The following EFHB variants were observed in gnomAD, a reference collection of about 807,000 sequenced individuals.
The protein encoded by EFHB is EF-hand domain-containing family member B.
Under a neutral mutation model 87.2 loss-of-function variants are expected in EFHB, and 91 were observed. That is an observed-to-expected ratio of 1.04 (90% CI 0.88 to 1.24). EFHB has a LOEUF of 1.24. Ranked by LOEUF, EFHB falls within the 50% of genes most tolerant of loss-of-function variation. EFHB has a pLI of 0.00. For synonymous variants in EFHB, 325 were observed against 333.6 expected (o/e 0.97, Z 0.28); for missense variants, 1,084 against 998.8 (o/e 1.09, Z -1.15).
intron 9 of EFHB, among the ~76,000 whole-genome samples, chr3:19,889,961 T>C (rs540648946): frequency 1.5e-3 from 228 of 152,318 alleles, no homozygotes; most frequent in Middle Eastern, 3.4e-3. Flanking sequence ...CACTCCAGAC[T>C]GGGCAACAAG....
intron 9 of EFHB, among the ~76,000 whole-genome samples, chr3:19,890,182 C>A (rs1694257032): frequency 1.3e-5 from 2 of 152,148 alleles, no homozygotes; most frequent in Admixed American, 1.3e-4. Context: ...CATGGAGCTA[C>A]CATGCCACCA....
rs375972908 is a variant in EFHB at position 19,884,524 on chromosome 3, T to A, written c.2025A>T (p.Lys675Asn). The A allele has an allele frequency of 6.2e-7, 1 of 1,613,890 alleles. No homozygotes were observed. Among genetic ancestry groups the A allele is most frequent in the African/African-American group, 1.3e-5 (1 of 74,930 alleles). ...LLIKPEDIVL[K>N]EAGSTEKTLR... ...GAGTCTTTTCTGTGCTTCCTGCTTC[T>A]TTTAAGACAATATCTTCTGGCTTTA... The change falls in exon 11 of 13, where the codon AAA (lysine) becomes AAT (asparagine). Residue 675 changes from lysine to asparagine, a missense_variant. Coordinates refer to ENST00000295824, the MANE Select transcript of EFHB (RefSeq NM_144715.4).
Position 19,882,589 on chromosome 3 carries a change from C to T in EFHB, c.2289G>A (p.Val763=), listed in dbSNP as rs116633211. The change falls in exon 12 of 13, where the codon GTG becomes GTA. Residue 763 remains valine, a synonymous_variant. Transcript: ENST00000295824. ...LYPTIFARKG[V]FERDFFKTRS... ...TGGTCTTGAAGAAGTCTCTTTCAAA[C>T]ACTCCTTTCCGGGCAAAAATGGTAG... is the stretch of plus-strand genomic sequence containing the variant. The T allele has an allele frequency of 1.2e-3, 1,956 of 1,611,192 alleles. 2 individuals carry two copies. The highest frequency in any genetic ancestry group is 1.5e-3 in the Non-Finnish European group (1,768 of 1,178,306).
At chr3:19,934,440 C>T (rs6779404), upstream of EFHB, among the ~76,000 whole-genome samples, 41 of 142,294 alleles carry the variant, frequency 2.9e-4, no homozygotes, top group South Asian at 1.2e-3. Flanking sequence ...TTGCCCTCTC[C>T]CTCTCTCTCC....
intron 12 of EFHB, 106 bp from the exon 13 acceptor site, chr3:19,879,910 T>C: frequency 1.8e-6 from 2 of 1,138,368 alleles, no homozygotes; most frequent in East Asian, 2.5e-5. Flanking sequence ...CAAAAAAGTA[T>C]GTGTGAAAAG....
At chr3:19,927,512 C>A (rs547829787) in intron 1 of EFHB, among the ~76,000 whole-genome samples, 1 of 152,154 alleles carries the variant, frequency 6.6e-6, no homozygotes, top group East Asian at 1.9e-4. Flanking sequence ...AACCTTCACC[C>A]GCAACTAAAC....
intron 12 of EFHB, among the ~76,000 whole-genome samples, chr3:19,880,137 TAAAG>T (rs1214394158): frequency 2.0e-5 from 3 of 152,134 alleles, no homozygotes; most frequent in Non-Finnish European, 2.9e-5. Flanking sequence ...GTGAAAAAAA[TAAAG>T]AAGACTTGCT....
chr3:19,939,621 T>A (rs1271426740), intron 1 of EFHB, among the ~76,000 whole-genome samples: 1 of 151,996 alleles, frequency 6.6e-6, no homozygotes, highest in Non-Finnish European at 1.5e-5. Flanking sequence ...CCTGACCTCG[T>A]GATCCGCCCG....
rs113100445 is a variant in EFHB, at chr3:19,885,222, C to G, written c.1934-607G>C. Among the ~76,000 whole-genome samples, 78 of 93,740 alleles carry G rather than the reference C, an allele frequency of 8.3e-4. 1 individual carries two copies. In the East Asian group the frequency reaches 0.012, roughly 15 times the overall value. 61.5% of individuals were successfully genotyped at this position (93,740 alleles called of 152,430 possible). On this transcript the variant is annotated intron_variant, in intron 10 of 12. Coordinates refer to ENST00000295824, the MANE Select transcript of EFHB (RefSeq NM_144715.4). ...GGAGGAAAACAGTGAGACTTCGTCT[C>G]AAAAAAAAAAAAAAAGCGTATTTTA...
chr3:19,923,666 C>T (rs138063631), intron 1 of EFHB, among the ~76,000 whole-genome samples: 85 of 152,200 alleles, frequency 5.6e-4, no homozygotes, highest in African/African-American at 1.7e-3. Context: ...TGAGCCACCA[C>T]GCCCAGCCTG....
intron 5 of EFHB, 35 bp from the exon 6 acceptor site, chr3:19,905,784 C>G (rs1694823319): frequency 1.3e-6 from 2 of 1,580,850 alleles, no homozygotes; most frequent in Middle Eastern, 3.4e-4. Flanking sequence ...ATGACTTAAG[C>G]AACACGAATA....
At chr3:19,883,694 C>G (rs952110150) in intron 11 of EFHB, among the ~76,000 whole-genome samples, 4 of 152,116 alleles carry the variant, frequency 2.6e-5, no homozygotes, top group Non-Finnish European at 4.4e-5. Flanking sequence ...TGGTGGGCCC[C>G]TAACCTAATA....
intron 6 of EFHB, among the ~76,000 whole-genome samples, chr3:19,903,855 C>A (rs1338889991): frequency 6.6e-6 from 1 of 152,172 alleles, no homozygotes; most frequent in Non-Finnish European, 1.5e-5. Context: ...TTCATTCTTA[C>A]CCCTGATACG....
intron 12 of EFHB, 72 bp downstream of exon 12, chr3:19,882,478 G>A: frequency 3.0e-6 from 4 of 1,317,844 alleles, no homozygotes; most frequent in Non-Finnish European, 3.9e-6. Flanking sequence ...AAAAATTCAA[G>A]TTTTTAAAAT....
At chr3:19,905,771 C>T in intron 5 of EFHB, 22 bp from the exon 6 acceptor site, 6 of 1,594,156 alleles carry the variant, frequency 3.8e-6, no homozygotes, top group Non-Finnish European at 5.1e-6. Context: ...GAAAGGAAGA[C>T]TTATGACTTA....
rs1224663901 is a variant in EFHB at position 19,884,466 on chromosome 3, A to C, written c.2083T>G (p.Ser695Ala). The C allele has an allele frequency of 6.2e-7, 1 of 1,613,952 alleles. No individual in the cohort carries two copies. The highest frequency in any genetic ancestry group is 1.7e-5 in the Admixed American group (1 of 60,010). The stretch of plus-strand genomic sequence containing the variant: ...GAAGAAGTTGTCTTATAGTAGTTGG[A>C]AACTTTATCACTTGGTCTCAGAAGT... ...RTLLRPSDKV[S>A]NYYKTTSSEI... The change falls in exon 11 of 13, where the codon TCC (serine) becomes GCC (alanine). Residue 695 changes from serine to alanine, a missense_variant. Physicochemically the swap from Ser to Ala is moderately conservative, Grantham distance 99. Transcript: ENST00000295824.
intron 1 of EFHB, chr3:19,946,230 A>G (rs1398751894): frequency 6.6e-6 from 1 of 152,228 alleles, no homozygotes; most frequent in Admixed American, 6.5e-5. Flanking sequence ...AAGTTACTCA[A>G]TCTCTTGTGT....
At chr3:19,925,123 TC>T (rs911873465) in intron 1 of EFHB, among the ~76,000 whole-genome samples, 5 of 150,854 alleles carry the variant, frequency 3.3e-5, no homozygotes, top group Non-Finnish European at 5.9e-5. Context: ...GCACCTGTAA[TC>T]CCAGCTACCC....
At chr3:19,897,385 C>T (rs1038740334) in intron 8 of EFHB, among the ~76,000 whole-genome samples, 7 of 152,274 alleles carry the variant, frequency 4.6e-5, no homozygotes, top group African/African-American at 1.4e-4. Flanking sequence ...GCCTGCCTCC[C>T]TTCACGGCTC....
Sources: gnomAD v4.1 joint callset for allele counts (sites outside exome capture counted in the v4.1 genomes callset) on GRCh38, gnomAD v4.1.1 for gene constraint, MANE v1.5 for transcripts, NCBI Gene and HGNC (gene_info 2026-07-23, HGNC 2026-07-21) for gene names.